The following TNFAIP3 variants were observed in gnomAD, a reference collection of about 807,000 sequenced individuals.
The protein encoded by TNFAIP3 is tumor necrosis factor alpha-induced protein 3.
TNFAIP3 carries 9 observed loss-of-function variants against 72.4 expected under a neutral mutation model. The observed-to-expected ratio is 0.12, with a 90% CI of 0.07 to 0.22. The LOEUF (loss-of-function observed/expected upper bound fraction) is 0.22, where lower values mean the gene tolerates loss of function less well. Ranked by LOEUF, TNFAIP3 falls within the 10% of genes least tolerant of loss-of-function variation. The pLI is 1.00. For synonymous variants in TNFAIP3, 339 were observed against 372.6 expected (o/e 0.91, Z 1.04); for missense variants, 833 against 1,018.7 (o/e 0.82, Z 2.48).
At position 137,878,792 on chromosome 6, in the gene TNFAIP3, C is replaced by T. The variant is rs536670759; in HGVS notation, c.1347C>T (p.Asn449=). 1.9e-6 allele frequency: 3 copies of T among 1,613,990 alleles called. No homozygotes were observed. Among genetic ancestry groups the T allele is most frequent in the Non-Finnish European group, 1.7e-6 (2 of 1,180,042 alleles). ...AAGCCTATGAGCCCTTGGCGTGGAACCCTGAGGAGTCCACTGGGGGGCCTC... is the reference window on the plus strand; with the variant it reads ...AAGCCTATGAGCCCTTGGCGTGGAATCCTGAGGAGTCCACTGGGGGGCCTC... ...RGEAYEPLAW[N]PEESTGGPHS... is the part of the protein sequence containing the mutation. The change falls in exon 7 of 9, where the codon AAC becomes AAT. Residue 449 remains asparagine, a synonymous_variant. Transcript: ENST00000612899.
chr6:137,871,186 G>A lies in TNFAIP3; in HGVS notation c.-15-27G>A. 1 of 1,538,428 alleles carries A rather than the reference G, an allele frequency of 6.5e-7. No individual in the cohort carries two copies. Among genetic ancestry groups the A allele is most frequent in the Non-Finnish European group, 8.8e-7 (1 of 1,138,466 alleles). ...GTATTAAAGTCAGGCTAATAGAATG[G>A]CTTTTTTTTTTTCCTTTCCTTTTCA... On this transcript the variant is annotated intron_variant, in intron 1 of 8. Transcript: ENST00000612899. The surrounding 1 kb of genome is among the most constrained non-coding windows in gnomAD (Gnocchi z 4.2).
At position 137,883,167 on chromosome 6, in the gene TNFAIP3, A is replaced by G. The variant is rs1776516590; in HGVS notation, c.*1848A>G. 1 of 202,578 alleles carries G rather than the reference A, an allele frequency of 4.9e-6. No homozygotes were observed. The highest frequency in any genetic ancestry group is 1.9e-4 in the South Asian group (1 of 5,280). 12.5% of individuals were successfully genotyped at this position (202,578 alleles called of 1,614,324 possible). ...AATGTGAAAAAAAGTAATTATTTATACTTATTATAAAAAGTATTTGAAATT... is the reference window on the plus strand; with the variant it reads ...AATGTGAAAAAAAGTAATTATTTATGCTTATTATAAAAAGTATTTGAAATT... On this transcript the variant is annotated 3_prime_UTR_variant, in exon 9 of 9. Transcript: ENST00000612899.
rs746246625 is a variant in TNFAIP3, at chr6:137,871,479, C to T, written c.252C>T (p.Asn84=). The T allele has an allele frequency of 6.2e-7, 1 of 1,614,188 alleles. No homozygotes were observed. Among genetic ancestry groups the T allele is most frequent in the Non-Finnish European group, 8.5e-7 (1 of 1,180,034 alleles). ...QATLESQKKL[N]WCREVRKLVA... ...CCCTGGAAAGCCAGAAGAAACTCAA[C>T]TGGTGTCGAGAAGTCCGGAAGCTTG... Residue 84 remains asparagine, a synonymous_variant, in exon 2 of 9, where the codon AAC becomes AAT. Transcript: ENST00000612899. This position sits in a 1 kb window ranked among gnomAD's most constrained non-coding sequence, Gnocchi z 4.2.
intron 5 of TNFAIP3, among the ~76,000 whole-genome samples, chr6:137,876,618 A>C: frequency 6.6e-6 from 1 of 152,224 alleles, no homozygotes; most frequent in East Asian, 1.9e-4. Context: ...CTGTTATTTT[A>C]ATAGCCTCAT....
In TNFAIP3 at chr6:137,877,151, C is replaced by A; in HGVS notation, c.881C>A (p.Pro294His). 1 of 1,613,770 alleles carries A rather than the reference C, an allele frequency of 6.2e-7. No homozygotes were observed. Among genetic ancestry groups the A allele is most frequent in the Non-Finnish European group, 8.5e-7 (1 of 1,179,880 alleles). The change falls in exon 6 of 9, where the codon CCT (proline) becomes CAT (histidine). Residue 294 changes from proline to histidine, a missense_variant. This residue lies in a region of TNFAIP3 where 587 missense variants were observed against 657.8 expected (regional missense o/e 0.89). Coordinates refer to ENST00000612899, the MANE Select transcript of TNFAIP3 (RefSeq NM_001270508.2). ...TTAAAAGTTCACTTTTTGACAGATC[C>A]TGAAAATGAGATGAAGGAGAAGCTC... ...EDLKVHFLTD[P>H]ENEMKEKLLK...
Position 137,881,075 on chromosome 6 carries a change from G to C in TNFAIP3, c.2129G>C (p.Ser710Thr). 1 of 1,613,542 alleles carries C rather than the reference G, an allele frequency of 6.2e-7. No homozygotes were observed. Among genetic ancestry groups the C allele is most frequent in the Non-Finnish European group, 8.5e-7 (1 of 1,179,766 alleles). The change falls in exon 9 of 9, where the codon AGC becomes ACC. Residue 710 changes from serine (S) to threonine (T), a missense_variant. By Grantham distance (58) the Ser-to-Thr change is moderately conservative. This residue lies in a region of TNFAIP3 where 587 missense variants were observed against 657.8 expected (regional missense o/e 0.89). Coordinates refer to ENST00000612899, the MANE Select transcript of TNFAIP3 (RefSeq NM_001270508.2). The surrounding 1 kb of genome is among the most constrained non-coding windows in gnomAD (Gnocchi z 5.0). ...QRRDVPRTTQ[S>T]TSRPKCARAS... ...AGAGATGTGCCTCGAACCACACAAA[G>C]CACCTCAAGGCCCAAGTGCGCCCGG... is the stretch of plus-strand genomic sequence containing the variant.
rs1776077373 is a variant in TNFAIP3, at chr6:137,871,929, G to A, written c.295+407G>A. Among the ~76,000 whole-genome samples the A allele has an allele frequency of 1.3e-5, 2 of 152,174 alleles. No individual in the cohort carries two copies. The highest frequency in any genetic ancestry group is 2.9e-5 in the Non-Finnish European group (2 of 68,024). On this transcript the variant is annotated intron_variant, in intron 2 of 8. Coordinates refer to ENST00000612899, the MANE Select transcript of TNFAIP3 (RefSeq NM_001270508.2). The surrounding 1 kb of genome is among the most constrained non-coding windows in gnomAD (Gnocchi z 4.2). ...ACTGGTAGTACATTTGTTTCCCACT[G>A]TCATTAGAAAATGCTTGTGATGTTC...
chr6:137,874,712 T>G, intron 2 of TNFAIP3, 133 bp from the exon 3 acceptor site: 1 of 814,238 alleles, frequency 1.2e-6, no homozygotes, highest in Non-Finnish European at 1.8e-6. Context: ...TGCCCTTGAC[T>G]AGGAAATTAC....
chr6:137,872,041 T>G (rs1776081105), intron 2 of TNFAIP3, among the ~76,000 whole-genome samples: 1 of 152,244 alleles, frequency 6.6e-6, no homozygotes, highest in Non-Finnish European at 1.5e-5. Flanking sequence ...CTCCTCCTCC[T>G]CTCTGACCTA....
intron 2 of TNFAIP3, among the ~76,000 whole-genome samples, chr6:137,872,898 G>C (rs1348174805): frequency 1.3e-5 from 2 of 151,812 alleles, no homozygotes; most frequent in Non-Finnish European, 2.9e-5. Flanking sequence ...GTAGAAAGAG[G>C]AACACCTTAT....
Position 137,881,780 on chromosome 6 carries a change from A to C in TNFAIP3, c.*461A>C. ...CTCAGAGATGTGAAGCCAGATCCTC[A>C]TGGCAGCGAGGCCCTCTGCAAGAAG... On this transcript the variant is annotated 3_prime_UTR_variant, in exon 9 of 9. Transcript: ENST00000612899. The surrounding 1 kb of genome is among the most constrained non-coding windows in gnomAD (Gnocchi z 5.0). 1 of 234,886 alleles carries C rather than the reference A, an allele frequency of 4.3e-6. No homozygotes were observed. Among genetic ancestry groups the C allele is most frequent in the Non-Finnish European group, 8.4e-6 (1 of 119,214 alleles). 14.6% of individuals were successfully genotyped at this position (234,886 alleles called of 1,614,324 possible). A position where few individuals can be genotyped will look rare whatever the true frequency, so the allele number is the denominator to read the frequency against.
intron 3 of TNFAIP3, 70 bp downstream of exon 3, chr6:137,875,105 C>T (rs891838398): frequency 6.4e-7 from 1 of 1,562,442 alleles, no homozygotes; most frequent in African/African-American, 1.4e-5. Flanking sequence ...TGGGCGAGTC[C>T]CTGCCCTCTG....
rs2114483095 is a variant in TNFAIP3 at position 137,875,810 on chromosome 6, C to T, written c.609C>T (p.Leu203=). Reference sequence around the variant, plus strand: ...ACATATTTGTCCTTTGCAACATCCTCAGAAGGCCAATCATTGTCATTTCAG... The same window carrying T: ...ACATATTTGTCCTTTGCAACATCCTTAGAAGGCCAATCATTGTCATTTCAG... ...EIHIFVLCNI[L]RRPIIVISDK... The change falls in exon 4 of 9, where the codon CTC becomes CTT. Residue 203 remains leucine (L), a synonymous_variant. Coordinates refer to ENST00000612899, the MANE Select transcript of TNFAIP3 (RefSeq NM_001270508.2). 6.2e-7 allele frequency: 1 copy of T among 1,614,194 alleles called. No homozygotes were observed.
In TNFAIP3 at chr6:137,871,597, T is replaced by C; in HGVS notation, c.295+75T>C. On this transcript the variant is annotated intron_variant, in intron 2 of 8. Transcript: ENST00000612899. This position sits in a 1 kb window ranked among gnomAD's most constrained non-coding sequence, Gnocchi z 4.2. ...TGCTGGATCCCCATTCATGAAGCTT[T>C]AATAGGACAAGCCCAAACTCAAATC... 1 of 1,522,670 alleles carries C rather than the reference T, an allele frequency of 6.6e-7. No individual in the cohort carries two copies. Among genetic ancestry groups the C allele is most frequent in the South Asian group, 1.2e-5 (1 of 80,204 alleles). 94.3% of individuals were successfully genotyped at this position (1,522,670 alleles called of 1,614,324 possible). A position where few individuals can be genotyped will look rare whatever the true frequency, so the allele number is the denominator to read the frequency against.
Position 137,874,979 on chromosome 6 carries a change from C to T in TNFAIP3, c.430C>T (p.Leu144=), listed in dbSNP as rs1230359215. ...DTRNFKFRWQ[L]ESLKSQEFVE... is the part of the protein sequence containing the mutation. Reference sequence around the variant, plus strand: ...ACGCAACTTTAAATTCCGCTGGCAACTGGAGTCTCTCAAATCTCAGGAATT... The same window carrying T: ...ACGCAACTTTAAATTCCGCTGGCAATTGGAGTCTCTCAAATCTCAGGAATT... Residue 144 remains leucine, a synonymous_variant, in exon 3 of 9, where the codon CTG becomes TTG. Coordinates refer to ENST00000612899, the MANE Select transcript of TNFAIP3 (RefSeq NM_001270508.2). 1 of 1,614,256 alleles carries T rather than the reference C, an allele frequency of 6.2e-7. No homozygotes were observed. The highest frequency in any genetic ancestry group is 8.5e-7 in the Non-Finnish European group (1 of 1,180,044).
Position 137,871,198 on chromosome 6 carries a change from TC to T in TNFAIP3, c.-15-13del, listed in dbSNP as rs1421172046. 5.7e-6 allele frequency: 9 copies of T among 1,569,590 alleles called. No individual in the cohort carries two copies. The highest frequency in any genetic ancestry group is 4.1e-5 in the African/African-American group (3 of 72,598). ...GGCTAATAGAATGGCTTTTTTTTTT[TC>T]CTTTCCTTTTCAGGTGTTGGAGAGC... On this transcript the variant is annotated splice_polypyrimidine_tract_variant and intron_variant, in intron 1 of 8. Transcript: ENST00000612899. This position sits in a 1 kb window ranked among gnomAD's most constrained non-coding sequence, Gnocchi z 4.2.
rs781780756 is a variant in TNFAIP3 at position 137,879,272 on chromosome 6, A to T, written c.1827A>T (p.Lys609Asn). ...GGACGGGGACGAGCAAGTGCAGAAA[A>T]GCCGGCTGCGTGTATTTTGGGACTC... ...GDRTGTSKCR[K>N]AGCVYFGTPE... Residue 609 changes from lysine (K) to asparagine (N), a missense_variant, in exon 7 of 9, where the codon AAA (lysine) becomes AAT (asparagine). This residue lies in a region of TNFAIP3 where 587 missense variants were observed against 657.8 expected (regional missense o/e 0.89). Coordinates refer to ENST00000612899, the MANE Select transcript of TNFAIP3 (RefSeq NM_001270508.2). 6 of 1,614,106 alleles carry T rather than the reference A, an allele frequency of 3.7e-6. No individual in the cohort carries two copies. The African/African-American group carries it at 8.0e-5, about 22-fold the overall frequency.
chr6:137,881,027 C>G lies in TNFAIP3; in HGVS notation c.2089-8C>G. On this transcript the variant is annotated splice_polypyrimidine_tract_variant and splice_region_variant and intron_variant, in intron 8 of 8. Coordinates refer to ENST00000612899, the MANE Select transcript of TNFAIP3 (RefSeq NM_001270508.2). The surrounding 1 kb of genome is among the most constrained non-coding windows in gnomAD (Gnocchi z 5.0). Reference sequence around the variant, plus strand: ...CTTTTTAATGATCTGCCTGTTCTTTCCACTCAGAGATCGAGCCAGCGCAGA... The same window carrying G: ...CTTTTTAATGATCTGCCTGTTCTTTGCACTCAGAGATCGAGCCAGCGCAGA... 1.3e-6 allele frequency: 2 copies of G among 1,582,478 alleles called. No individual in the cohort carries two copies. The highest frequency in any genetic ancestry group is 1.7e-6 in the Non-Finnish European group (2 of 1,162,238).
At chr6:137,870,682 G>A (rs1562267065) in intron 1 of TNFAIP3, among the ~76,000 whole-genome samples, 1 of 152,192 alleles carries the variant, frequency 6.6e-6, no homozygotes, top group Non-Finnish European at 1.5e-5. Context: ...TTTTCATAAA[G>A]TATTTTACTG....
Sources: gnomAD v4.1 joint callset for allele counts (sites outside exome capture counted in the v4.1 genomes callset) on GRCh38, gnomAD v4.1.1 for gene constraint, gnomAD v4.1.1 regional missense constraint, Gnocchi (gnomAD v3.1) non-coding constraint, MANE v1.5 for transcripts, NCBI Gene and HGNC (gene_info 2026-07-23, HGNC 2026-07-21) for gene names.